Variants in CALCOCO1 observed in about 807,000 individuals in gnomAD.
The protein encoded by CALCOCO1 is calcium-binding and coiled-coil domain-containing protein 1.
Under a neutral mutation model 86.3 loss-of-function variants are expected in CALCOCO1, and 44 were observed. The observed-to-expected ratio is 0.51, with a 90% confidence interval of 0.40 to 0.66. The LOEUF (loss-of-function observed/expected upper bound fraction) is 0.66, where lower values mean the gene tolerates loss of function less well. Among genes scored for constraint, CALCOCO1 ranks in the 30% least tolerant of loss-of-function variants. The pLI, the probability that CALCOCO1 is intolerant of heterozygous loss-of-function variation, is 0.00. For synonymous variants in CALCOCO1, 297 were observed against 327.6 expected (o/e 0.91, Z 1.01); for missense variants, 708 against 851.1 (o/e 0.83, Z 2.09).
Position 53,715,201 on chromosome 12 carries a change from A to C in CALCOCO1, c.1385T>G (p.Leu462Arg). The C allele has an allele frequency of 6.2e-7, 1 of 1,614,114 alleles. No individual in the cohort carries two copies. The highest frequency in any genetic ancestry group is 8.5e-7 in the Non-Finnish European group (1 of 1,179,986). Reference protein sequence around the residue: ...TELAREKDSSLVQLSESKREL... With the variant: ...TELAREKDSSRVQLSESKREL... ...ACCCTTGGTGGCTGGATGCCTCACC[A>C]GGCTAGAATCCTTCTCCCGGGCCAG... The change falls in exon 10 of 15, where the codon CTG (leucine) becomes CGG (arginine). Residue 462 changes from leucine (L) to arginine (R), a missense_variant and splice_region_variant. Coordinates refer to ENST00000550804, the MANE Select transcript of CALCOCO1 (RefSeq NM_020898.3).
At chr12:53,717,726 G>GA (rs1307188104) in intron 7 of CALCOCO1, among the ~76,000 whole-genome samples, 3 of 152,096 alleles carry the variant, frequency 2.0e-5, no homozygotes, top group Non-Finnish European at 4.4e-5. Context: ...GTTAAAAAAA[G>GA]AAAAACAACA....
At chr12:53,713,328 G>A (rs1200257220) in intron 13 of CALCOCO1, 122 bp from the exon 14 acceptor site, 12 of 765,866 alleles carry the variant, frequency 1.6e-5, no homozygotes. Flanking sequence ...GGCTTAGGAA[G>A]AGTGAGGCAG....
rs1324379667 is a variant in CALCOCO1 at position 53,716,328 on chromosome 12, G to A, written c.937C>T (p.Gln313Ter). 1 of 1,614,204 alleles carries A rather than the reference G, an allele frequency of 6.2e-7. No homozygotes were observed. Among genetic ancestry groups the A allele is most frequent in the Admixed American group, 1.7e-5 (1 of 60,024 alleles). ...ACCTTGTCTTTCAGTCGCTGAGCCT[G>A]AGCACTCTGCTCCTCTTGCCAGCTC... ...AKSWQEEQSA[Q>*]AQRLKDKVAQ... Residue 313 changes from glutamine to a stop codon, truncating the protein, a stop_gained, in exon 8 of 15, where the codon CAG (glutamine) becomes TAG (stop). Transcript: ENST00000550804. LOFTEE classifies it high-confidence loss of function.
At chr12:53,712,377 T>G (rs1250352016) in intron 14 of CALCOCO1, 3 of 415,486 alleles carry the variant, frequency 7.2e-6, no homozygotes, top group Admixed American at 8.3e-5. Context: ...CCTGCTCTCC[T>G]CCCTCCATCT....
intron 14 of CALCOCO1, chr12:53,712,807 G>A: frequency 7.2e-7 from 1 of 1,396,024 alleles, no homozygotes; most frequent in Non-Finnish European, 9.5e-7. Context: ...AGGCAGGAGA[G>A]AGGGGAAGCA....
intron 1 of CALCOCO1, chr12:53,726,425 A>G (rs1946035368): frequency 6.6e-6 from 1 of 152,130 alleles, no homozygotes; most frequent in African/African-American, 2.4e-5. Context: ...ACAGATAACA[A>G]TAATAACGAT....
intron 7 of CALCOCO1, among the ~76,000 whole-genome samples, chr12:53,717,778 A>C (rs533151736): frequency 3.3e-5 from 5 of 152,192 alleles, no homozygotes; most frequent in African/African-American, 1.2e-4. Flanking sequence ...TCTCGGCATG[A>C]TTTGGGAGGC....
chr12:53,727,187 G>A (rs1189491179), intron 1 of CALCOCO1, among the ~76,000 whole-genome samples: 1 of 152,112 alleles, frequency 6.6e-6, no homozygotes, highest in Non-Finnish European at 1.5e-5. Flanking sequence ...AGAAGGAGAG[G>A]ACGACGAGGG....
intron 6 of CALCOCO1, among the ~76,000 whole-genome samples, chr12:53,720,969 T>C (rs546960066): frequency 4.6e-5 from 7 of 152,358 alleles, no homozygotes; most frequent in Non-Finnish European, 8.8e-5. Flanking sequence ...GGCTGCCTCC[T>C]GAGGGTGACC....
rs533570711 is a variant in CALCOCO1 at position 53,711,408 on chromosome 12, G to A, written c.*536C>T. ...CTAGGGTGGGGCACAGAAGTCAATG[G>A]GGGAACAGAAAGAGGAACCAATGAA... is the stretch of plus-strand genomic sequence containing the variant. On this transcript the variant is annotated 3_prime_UTR_variant, in exon 15 of 15. Coordinates refer to ENST00000550804, the MANE Select transcript of CALCOCO1 (RefSeq NM_020898.3). 1.0e-5 allele frequency: 4 copies of A among 387,122 alleles called. No homozygotes were observed. Among genetic ancestry groups the A allele is most frequent in the African/African-American group, 4.1e-5 (2 of 48,252 alleles). The allele number at this position is 387,122 out of a possible 1,614,324, so 24.0% of individuals were successfully genotyped here.
At position 53,709,293 on chromosome 12, in the gene CALCOCO1, C is replaced by T. The variant is rs58995234; in HGVS notation, c.*2651G>A. ...GAACTAGAATTGGAAGCTGGCTGCC[C>T]CTGGGTTTCCCCCAGCCCATGCCGT... is the stretch of plus-strand genomic sequence containing the variant. On this transcript the variant is annotated 3_prime_UTR_variant, in exon 15 of 15. Coordinates refer to ENST00000550804, the MANE Select transcript of CALCOCO1 (RefSeq NM_020898.3). 0.12 allele frequency: 18,779 copies of T among 152,242 alleles called. 1,239 individuals are homozygous for T. The highest frequency in any genetic ancestry group is 0.14 in the Non-Finnish European group (9,822 of 68,026). The allele number at this position is 152,242 out of a possible 1,614,324, so 9.4% of individuals were successfully genotyped here. A position where few individuals can be genotyped will look rare whatever the true frequency, so the allele number is the denominator to read the frequency against.
intron 5 of CALCOCO1, 181 bp from the exon 6 acceptor site, chr12:53,721,796 C>A: frequency 1.2e-5 from 10 of 828,292 alleles, no homozygotes; most frequent in Non-Finnish European, 1.9e-5. Flanking sequence ...CCACCTCCAC[C>A]TTACCCCAGC....
chr12:53,714,796 C>T, intron 10 of CALCOCO1, 103 bp from the exon 11 acceptor site: 2 of 755,834 alleles, frequency 2.6e-6, no homozygotes, highest in Non-Finnish European at 4.5e-6. Context: ...CTCCCCATGC[C>T]TCTGCTTCTT....
chr12:53,722,247 C>T, intron 4 of CALCOCO1, 64 bp from the exon 5 acceptor site: 4 of 1,582,114 alleles, frequency 2.5e-6, no homozygotes, highest in Non-Finnish European at 3.4e-6. Context: ...GTCCCATCCT[C>T]ACCACTCTCC....
chr12:53,715,639 TAA>T (rs1945704649), intron 9 of CALCOCO1, 152 bp downstream of exon 9: 1 of 1,014,702 alleles, frequency 9.9e-7, no homozygotes, highest in East Asian at 2.6e-5. Context: ...GCCTAGAAAG[TAA>T]AGTGTACCTC....
chr12:53,720,087 T>A (rs1005192267), intron 6 of CALCOCO1, among the ~76,000 whole-genome samples: 10 of 152,214 alleles, frequency 6.6e-5, no homozygotes, highest in African/African-American at 2.2e-4. Context: ...TGCTGATGGC[T>A]CCCATTGTTT....
At chr12:53,718,372 G>A (rs1170212744) in intron 7 of CALCOCO1, among the ~76,000 whole-genome samples, 1 of 152,106 alleles carries the variant, frequency 6.6e-6, no homozygotes, top group East Asian at 1.9e-4. Context: ...TACCTTTTAA[G>A]TAAAGGTTAT....
rs1245091637 is a variant in CALCOCO1 at position 53,711,990 on chromosome 12, T to C, written c.2030A>G (p.Asp677Gly). Residue 677 changes from aspartate to glycine, a missense_variant, in exon 15 of 15, where the codon GAT becomes GGT. By Grantham distance (94) the Asp-to-Gly change is moderately conservative. Transcript: ENST00000550804. The stretch of plus-strand genomic sequence containing the variant: ...CTGGGTGCTGAAAAAGAAGTGTCCA[T>C]CCATGTGGTCCTCCAGGGCATCCTT... ...SDKDALEDHM[D>G]GHFFFSTQDP... 1 of 1,604,106 alleles carries C rather than the reference T, an allele frequency of 6.2e-7. No individual in the cohort carries two copies. The highest frequency in any genetic ancestry group is 8.5e-7 in the Non-Finnish European group (1 of 1,175,694).
In CALCOCO1 at chr12:53,725,115, C is replaced by A; in HGVS notation, c.128G>T (p.Ser43Ile). The A allele has an allele frequency of 6.2e-7, 1 of 1,609,682 alleles. No homozygotes were observed. Among genetic ancestry groups the A allele is most frequent in the Non-Finnish European group, 8.5e-7 (1 of 1,178,006 alleles). Residue 43 changes from serine (S) to isoleucine (I), a missense_variant, in exon 2 of 15, where the codon AGT becomes ATT. By Grantham distance (142) the Ser-to-Ile change is moderately radical. Coordinates refer to ENST00000550804, the MANE Select transcript of CALCOCO1 (RefSeq NM_020898.3). ...GAAGATGCCAATCCAGTCACTGGCA[C>A]TGGGCATGGTGCCTGGGGGAAGGGT... Reference protein sequence around the residue: ...HYTLPPGTMPSASDWIGIFKV... With the variant: ...HYTLPPGTMPIASDWIGIFKV...
Sources: gnomAD v4.1 joint callset for allele counts (sites outside exome capture counted in the v4.1 genomes callset) on GRCh38, gnomAD v4.1.1 for gene constraint, MANE v1.5 for transcripts, NCBI Gene and HGNC (gene_info 2026-07-23, HGNC 2026-07-21) for gene names.